Variants in RAB7A observed in about 807,000 individuals in gnomAD.
The protein encoded by RAB7A is ras-related protein Rab-7a.
RAB7A carries 2 observed loss-of-function variants against 24.5 expected under a neutral mutation model. The ratio of observed to expected loss-of-function variants is 0.08; its 90% CI spans 0.03 to 0.26. RAB7A has a LOEUF of 0.26. Among genes scored for constraint, RAB7A ranks in the 10% least tolerant of loss-of-function variants. RAB7A has a pLI of 1.00. For missense variants in RAB7A, 118 were observed against 255.7 expected, an observed-to-expected ratio of 0.46 and a Z score of 3.67; for synonymous variants, 100 against 95.9, an observed-to-expected ratio of 1.04 and a Z score of -0.25.
intron 1 of RAB7A, among the ~76,000 whole-genome samples, chr3:128,739,201 C>T (rs572897326): frequency 6.6e-6 from 1 of 152,262 alleles, no homozygotes; most frequent in East Asian, 1.9e-4. Flanking sequence ...TTCTAAATTA[C>T]AGAAGCAGTA....
At chr3:128,742,434 C>T (rs1182878157) in intron 1 of RAB7A, among the ~76,000 whole-genome samples, 1 of 152,148 alleles carries the variant, frequency 6.6e-6, no homozygotes, top group Non-Finnish European at 1.5e-5. Flanking sequence ...ATTCCCTTAT[C>T]TGATCCCAGC....
chr3:128,785,771 T>C (rs1385568015), intron 1 of RAB7A, among the ~76,000 whole-genome samples: 1 of 151,994 alleles, frequency 6.6e-6, no homozygotes, highest in Non-Finnish European at 1.5e-5. Context: ...AAAAAATTCT[T>C]TAAGGTATTT....
chr3:128,811,055 A>C (rs1933914480), intron 5 of RAB7A, among the ~76,000 whole-genome samples: 1 of 146,110 alleles, frequency 6.8e-6, no homozygotes, highest in Non-Finnish European at 1.5e-5. Flanking sequence ...ACTCCATCTC[A>C]AAAAAAAAAA....
chr3:128,814,418 T>A lies in RAB7A; in HGVS notation c.*996T>A, dbSNP rs1156776444. 4 of 152,716 alleles carry A rather than the reference T, an allele frequency of 2.6e-5. No individual in the cohort carries two copies. The highest frequency in any genetic ancestry group is 1.9e-4 in the East Asian group (1 of 5,190). 9.5% of individuals were successfully genotyped at this position (152,716 alleles called of 1,614,324 possible). A position where few individuals can be genotyped will look rare whatever the true frequency, so the allele number is the denominator to read the frequency against. ...AAAATTCTCATTTTCTTTCTTTTTT[T>A]TCCCCCCTGCTCCACACTTCAAAAC... On this transcript the variant is annotated 3_prime_UTR_variant, in exon 6 of 6. Transcript: ENST00000265062.
chr3:128,763,468 T>TAAGACA (rs1337459417), intron 1 of RAB7A, among the ~76,000 whole-genome samples: 6 of 152,040 alleles, frequency 3.9e-5, no homozygotes, highest in African/African-American at 7.2e-5. Flanking sequence ...CCGCCTGTCT[T>TAAGACA]GGCCTCCCAA....
intron 1 of RAB7A, among the ~76,000 whole-genome samples, chr3:128,787,623 C>T (rs923781610): frequency 1.3e-5 from 2 of 152,192 alleles, no homozygotes; most frequent in African/African-American, 4.8e-5. Context: ...GATGGCTTTG[C>T]AGATATAGTA....
intron 1 of RAB7A, among the ~76,000 whole-genome samples, chr3:128,758,450 T>G (rs1209234046): frequency 6.6e-6 from 1 of 151,174 alleles, no homozygotes; most frequent in African/African-American, 2.4e-5. Context: ...TTTTTTTTTG[T>G]ATTTTTAGTA....
chr3:128,809,459 A>G (rs891152627), intron 5 of RAB7A, among the ~76,000 whole-genome samples: 3 of 152,146 alleles, frequency 2.0e-5, no homozygotes, highest in Non-Finnish European at 2.9e-5. Flanking sequence ...TCTCTGCTGC[A>G]CACAGCCGGC....
chr3:128,807,497 G>A, intron 4 of RAB7A, 46 bp from the exon 5 acceptor site: 1 of 1,612,674 alleles, frequency 6.2e-7, no homozygotes, highest in Non-Finnish European at 8.5e-7. Flanking sequence ...AGTCAGTGCT[G>A]GCTGCTTCTG....
At chr3:128,760,456 C>G (rs745342911) in intron 1 of RAB7A, among the ~76,000 whole-genome samples, 11 of 152,076 alleles carry the variant, frequency 7.2e-5, no homozygotes, top group Admixed American at 2.6e-4. Flanking sequence ...TCACTTTTTC[C>G]CAGAGATAGG....
intron 1 of RAB7A, among the ~76,000 whole-genome samples, chr3:128,787,139 G>A (rs1933357765): frequency 6.6e-6 from 1 of 152,140 alleles, no homozygotes; most frequent in African/African-American, 2.4e-5. Context: ...ACCATAGTTA[G>A]GGTGGGAACA....
intron 1 of RAB7A, among the ~76,000 whole-genome samples, chr3:128,755,917 C>G (rs1270454721): frequency 1.3e-5 from 2 of 152,094 alleles, no homozygotes; most frequent in East Asian, 1.9e-4. Context: ...ATCCCTCCCC[C>G]CTAAAGTGAT....
intron 3 of RAB7A, among the ~76,000 whole-genome samples, chr3:128,804,913 C>T (rs1303636828): frequency 6.6e-6 from 1 of 152,180 alleles, no homozygotes; most frequent in Non-Finnish European, 1.5e-5. Context: ...GTCCAGTGAA[C>T]CTGCTCTCCC....
chr3:128,804,625 C>A (rs1027912682), intron 3 of RAB7A, among the ~76,000 whole-genome samples: 7 of 152,146 alleles, frequency 4.6e-5, no homozygotes, highest in African/African-American at 1.7e-4. Flanking sequence ...TGGTAACTTT[C>A]TAGGAACCCG....
chr3:128,810,912 G>C (rs990557274), intron 5 of RAB7A, among the ~76,000 whole-genome samples: 2 of 152,112 alleles, frequency 1.3e-5, no homozygotes, highest in Non-Finnish European at 2.9e-5. Context: ...AAAATTAGCT[G>C]GCGTGGTGGT....
chr3:128,769,615 A>G (rs115893882), intron 1 of RAB7A, among the ~76,000 whole-genome samples: 85 of 152,326 alleles, frequency 5.6e-4, no homozygotes, highest in Middle Eastern at 3.4e-3. Flanking sequence ...GGAAGAGCAG[A>G]AGCTCTTAGT....
chr3:128,760,579 GA>G (rs1315375249), intron 1 of RAB7A, among the ~76,000 whole-genome samples: 1 of 152,162 alleles, frequency 6.6e-6, no homozygotes, highest in African/African-American at 2.4e-5. Flanking sequence ...GATATACTGG[GA>G]TGAGCAATAA....
At chr3:128,809,934 G>GTTTTTTTTTTTTTTTTTTTTTTTTT (rs1231077081) in intron 5 of RAB7A, among the ~76,000 whole-genome samples, 1 of 47,548 alleles carries the variant, frequency 2.1e-5, no homozygotes, top group Non-Finnish European at 4.1e-5. Context: ...TCTTGCCACA[G>GTTTTTTTTTTTTTTTTTTTTTTTTT]TCTTTTTTTT....
chr3:128,788,128 G>T (rs764891940), intron 1 of RAB7A, among the ~76,000 whole-genome samples: 22 of 152,170 alleles, frequency 1.4e-4, no homozygotes, highest in African/African-American at 1.9e-4. Context: ...CTACCTGCCC[G>T]TTAGTCACTT....
Sources: allele counts gnomAD v4.1 joint callset (sites outside exome capture counted in the v4.1 genomes callset), GRCh38; gene constraint gnomAD v4.1.1; transcripts MANE v1.5; gene names NCBI Gene and HGNC (gene_info 2026-07-23, HGNC 2026-07-21).